PCYT1B: variants seen among roughly 807,000 people sequenced by gnomAD.
The protein encoded by PCYT1B is choline-phosphate cytidylyltransferase B.
In PCYT1B, 10 loss-of-function variants were observed where a neutral mutation model predicts 26.4. The observed-to-expected ratio is 0.38, with a 90% CI of 0.23 to 0.64. PCYT1B has a LOEUF of 0.64. PCYT1B is among the 30% of genes least tolerant of loss of function. The pLI, the probability that PCYT1B is intolerant of heterozygous loss-of-function variation, is 0.56. For missense variants in PCYT1B, 161 were observed against 292.7 expected (o/e 0.55, Z 3.28); for synonymous variants, 131 against 108.4 (o/e 1.21, Z -1.29).
intron 3 of PCYT1B, among the ~76,000 whole-genome samples, chrX:24,594,017 C>T (rs908072283): frequency 9.0e-5 from 10 of 111,509 alleles, no homozygotes; most frequent in Middle Eastern, 4.2e-3. Context: ...ATCAGAATCA[C>T]CCAAGGAGCT....
At chrX:24,671,088 C>A (rs1006347815) in intron 1 of PCYT1B, among the ~76,000 whole-genome samples, 1 of 110,301 alleles carries the variant, frequency 9.1e-6, no homozygotes, top group Admixed American at 9.7e-5. Flanking sequence ...CTGCCTCAGC[C>A]TCCCAAGTAG....
At chrX:24,562,759 GCT>G (rs1923475787) in intron 7 of PCYT1B, among the ~76,000 whole-genome samples, 1 of 101,628 alleles carries the variant, frequency 9.8e-6, no homozygotes, top group African/African-American at 3.6e-5. Flanking sequence ...ACAGAGTCTC[GCT>G]CTGTCACCCA....
intron 1 of PCYT1B, among the ~76,000 whole-genome samples, chrX:24,671,341 G>GAATCAATCAATC (rs370090148): frequency 6.8e-5 from 7 of 102,960 alleles, no homozygotes; most frequent in African/African-American, 2.2e-4. Flanking sequence ...ATGAATGAAT[G>GAATCAATCAATC]AATCAATCAA....
intron 1 of PCYT1B, among the ~76,000 whole-genome samples, chrX:24,656,428 A>G (rs1404243602): frequency 9.1e-6 from 1 of 109,846 alleles, no homozygotes; most frequent in Non-Finnish European, 1.9e-5. Flanking sequence ...AACCTATTGC[A>G]TACATGAAAA....
At chrX:24,651,472 A>AATATATATAT (rs200652780), upstream of PCYT1B, among the ~76,000 whole-genome samples, 7 of 26,045 alleles carry the variant, frequency 2.7e-4, no homozygotes, top group South Asian at 4.1e-3. Flanking sequence ...AAAAAAAAAA[A>AATATATATAT]ATATATATAT....
In PCYT1B at chrX:24,646,410, T is replaced by C. The variant is rs1436325062; in HGVS notation, c.117+579A>G. On this transcript the variant is annotated intron_variant, in intron 1 of 7. Coordinates refer to ENST00000379144, the MANE Select transcript of PCYT1B (RefSeq NM_004845.5). ...CTGAAGAGAAACCCTCACAGCACAC[T>C]CTGGAAATGTTTTACAATTCGTTTT... Among the ~76,000 whole-genome samples, 4 of 111,830 alleles carry C rather than the reference T, an allele frequency of 3.6e-5. No homozygotes were observed. In the East Asian group the frequency reaches 1.1e-3, roughly 31 times the overall value.
At chrX:24,581,801 C>T (rs1389158328) in intron 5 of PCYT1B, among the ~76,000 whole-genome samples, 1 of 112,438 alleles carries the variant, frequency 8.9e-6, no homozygotes, top group African/African-American at 3.2e-5. Flanking sequence ...ACCCAGTTCT[C>T]TCTGAATGTT....
At chrX:24,602,548 A>G in intron 3 of PCYT1B, among the ~76,000 whole-genome samples, 1 of 111,435 alleles carries the variant, frequency 9.0e-6, no homozygotes, top group Non-Finnish European at 1.9e-5. Context: ...GTGTCAATGT[A>G]GGCTAATGGA....
intron 1 of PCYT1B, among the ~76,000 whole-genome samples, chrX:24,626,548 C>G (rs1424142370): frequency 2.7e-5 from 3 of 112,327 alleles, no homozygotes; most frequent in East Asian, 5.5e-4. Context: ...AAAGAAATAT[C>G]TCCTCTCCTT....
intron 1 of PCYT1B, 51 bp from the exon 2 acceptor site, chrX:24,619,135 C>A (rs751182254): frequency 6.9e-6 from 6 of 869,591 alleles, no homozygotes; most frequent in Non-Finnish European, 6.8e-6. Context: ...TTTCCTTTGG[C>A]ACTAACTTCC....
Position 24,655,548 on chromosome X carries a change from C to T in PCYT1B, c.63+17022G>A, listed in dbSNP as rs769767950. ...CTGTAGTCCCAACAATTTGGGAGGC[C>T]GAGGTGGGCGGATCACCTGAGGTCA... On this transcript the variant is annotated intron_variant, in intron 1 of 7. Transcript: ENST00000379145. Among the ~76,000 whole-genome samples, 6 of 111,959 alleles carry T rather than the reference C, an allele frequency of 5.4e-5. No individual in the cohort carries two copies. The South Asian group carries it at 2.2e-3, about 42-fold the overall frequency.
chrX:24,634,002 C>T (rs951821987), intron 1 of PCYT1B, among the ~76,000 whole-genome samples: 1 of 111,295 alleles, frequency 9.0e-6, no homozygotes, highest in African/African-American at 3.3e-5. Flanking sequence ...CCACTCACTG[C>T]GCCCTCCAAC....
intron 6 of PCYT1B, among the ~76,000 whole-genome samples, chrX:24,576,897 G>A (rs902905829): frequency 2.7e-5 from 3 of 111,927 alleles, no homozygotes; most frequent in African/African-American, 9.7e-5. Flanking sequence ...GATTAAATGA[G>A]ATAATCCAAG....
chrX:24,631,863 G>T (rs1192180574), intron 1 of PCYT1B, among the ~76,000 whole-genome samples: 1 of 111,119 alleles, frequency 9.0e-6, no homozygotes, highest in Non-Finnish European at 1.9e-5. Flanking sequence ...TACTCGGGAG[G>T]GGGAGGTTGC....
intron 1 of PCYT1B, among the ~76,000 whole-genome samples, chrX:24,656,265 T>C (rs1428983843): frequency 1.1e-5 from 1 of 93,731 alleles, no homozygotes; most frequent in Non-Finnish European, 2.1e-5. Flanking sequence ...AGAATGAAAG[T>C]GCTTTGTTTT....
intron 1 of PCYT1B, among the ~76,000 whole-genome samples, chrX:24,654,765 A>AG (rs1044298265): frequency 9.4e-6 from 1 of 106,569 alleles, no homozygotes; most frequent in African/African-American, 3.4e-5. Context: ...AAAAAAAAAA[A>AG]AAAAAAAGAA....
chrX:24,604,876 T>C (rs1488396982), intron 3 of PCYT1B, among the ~76,000 whole-genome samples: 2 of 112,173 alleles, frequency 1.8e-5, no homozygotes, highest in African/African-American at 3.2e-5. Flanking sequence ...TGCCCTTGAC[T>C]TCCACAACCC....
At chrX:24,658,875 C>T (rs1055254371) in intron 1 of PCYT1B, among the ~76,000 whole-genome samples, 4 of 112,222 alleles carry the variant, frequency 3.6e-5, no homozygotes, top group African/African-American at 1.3e-4. Flanking sequence ...CCTGGTATCT[C>T]ATCTCCAGAT....
chrX:24,661,359 G>A lies in PCYT1B; in HGVS notation c.63+11211C>T, dbSNP rs771004750. The stretch of plus-strand genomic sequence containing the variant: ...AGTATCTTGTCTTAGAATGAGTAAT[G>A]AAGAAGGTAAGATGGTAATGAATTA... On this transcript the variant is annotated intron_variant, in intron 1 of 7. Transcript: ENST00000379145. 2.7e-5 allele frequency among the ~76,000 whole-genome samples: 3 copies of A among 112,196 alleles called. No individual in the cohort carries two copies. The South Asian group carries it at 1.1e-3, about 42-fold the overall frequency.
Sources: gnomAD v4.1 joint callset for allele counts (sites outside exome capture counted in the v4.1 genomes callset) on GRCh38, gnomAD v4.1.1 for gene constraint, MANE v1.5 for transcripts, NCBI Gene and HGNC (gene_info 2026-07-23, HGNC 2026-07-21) for gene names.